The following IQGAP2 variants were observed in gnomAD, a reference collection of about 807,000 sequenced individuals.
IQGAP2 encodes the protein IQ motif containing GTPase activating protein 2, also known as ras GTPase-activating-like protein IQGAP2.
Under a neutral mutation model 201.3 loss-of-function variants are expected in IQGAP2, and 173 were observed. The observed-to-expected ratio is 0.86, with a 90% CI of 0.76 to 0.98. The LOEUF (loss-of-function observed/expected upper bound fraction) is 0.98, where lower values mean the gene tolerates loss of function less well. IQGAP2 is among the 50% of genes least tolerant of loss of function. The pLI, the probability that IQGAP2 is intolerant of heterozygous loss-of-function variation, is 0.00. For synonymous variants in IQGAP2, 675 were observed against 673.9 expected (o/e 1.00, Z -0.03); for missense variants, 1,687 against 1,864.8 (o/e 0.90, Z 1.76).
intron 5 of IQGAP2, among the ~76,000 whole-genome samples, chr5:76,581,299 T>C (rs1399005379): frequency 6.6e-6 from 1 of 152,232 alleles, no homozygotes; most frequent in East Asian, 1.9e-4. Flanking sequence ...TGAACCCTTA[T>C]ATCAGATTGA....
At chr5:76,591,443 T>C (rs1007742350) in intron 8 of IQGAP2, among the ~76,000 whole-genome samples, 13 of 152,166 alleles carry the variant, frequency 8.5e-5, no homozygotes, top group Admixed American at 4.6e-4. Context: ...TATTGAAAAA[T>C]TTGTCTACGC....
chr5:76,645,632 T>G (rs1353275685), intron 17 of IQGAP2, among the ~76,000 whole-genome samples: 1 of 152,192 alleles, frequency 6.6e-6, no homozygotes, highest in East Asian at 1.9e-4. Context: ...GTTTGTTGAC[T>G]GCATAAATGT....
intron 17 of IQGAP2, among the ~76,000 whole-genome samples, chr5:76,650,064 A>C (rs376522825): frequency 1.3e-5 from 2 of 152,340 alleles, no homozygotes; most frequent in South Asian, 2.1e-4. Flanking sequence ...TGTGCAGTGC[A>C]TCAAGGCCCT....
At chr5:76,583,973 A>G (rs1440885071) in intron 5 of IQGAP2, among the ~76,000 whole-genome samples, 2 of 152,028 alleles carry the variant, frequency 1.3e-5, no homozygotes, top group African/African-American at 4.8e-5. Context: ...CCCTGGTTCA[A>G]GCAATTCTCC....
At chr5:76,441,150 C>T (rs760145155) in intron 1 of IQGAP2, among the ~76,000 whole-genome samples, 4 of 152,014 alleles carry the variant, frequency 2.6e-5, no homozygotes, top group African/African-American at 4.8e-5. Flanking sequence ...ATTTCGTGAG[C>T]GGAAATAATA....
intron 17 of IQGAP2, among the ~76,000 whole-genome samples, chr5:76,642,274 T>A (rs1024256372): frequency 3.3e-5 from 5 of 152,138 alleles, no homozygotes; most frequent in Non-Finnish European, 2.9e-5. Context: ...ACAGCAGTGT[T>A]GCAGTTGGAA....
In IQGAP2 at chr5:76,654,290, G is replaced by A. The variant is rs1485842858; in HGVS notation, c.2250+19G>A. 2 of 1,531,740 alleles carry A rather than the reference G, an allele frequency of 1.3e-6. No individual in the cohort carries two copies. The highest frequency in any genetic ancestry group is 1.4e-5 in the African/African-American group (1 of 72,888). The allele number at this position is 1,531,740 out of a possible 1,614,324, so 94.9% of individuals were successfully genotyped here. On this transcript the variant is annotated intron_variant, in intron 19 of 35. Transcript: ENST00000274364. ...AGATCATGTAAGAAAAATGCCTGTGGGATTTTATCCAGGTTGATAATGACC... is the reference window on the plus strand; with the variant it reads ...AGATCATGTAAGAAAAATGCCTGTGAGATTTTATCCAGGTTGATAATGACC...
At chr5:76,665,367 C>T (rs1008245484) in intron 22 of IQGAP2, among the ~76,000 whole-genome samples, 192 bp downstream of exon 22, 6 of 152,044 alleles carry the variant, frequency 3.9e-5, no homozygotes, top group African/African-American at 9.7e-5. Flanking sequence ...CCCTGGGAGC[C>T]GTGAGAGAAT....
chr5:76,586,420 C>A (rs1426357721), intron 5 of IQGAP2, among the ~76,000 whole-genome samples: 3 of 151,952 alleles, frequency 2.0e-5, no homozygotes, highest in African/African-American at 7.2e-5. Context: ...GAGGCAAATT[C>A]TTCCCCTAAA....
At chr5:76,636,177 A>G (rs6453240) in intron 15 of IQGAP2, among the ~76,000 whole-genome samples, 143,656 of 152,352 alleles carry the variant, frequency 0.94, 68,013 homozygotes, top group African/African-American at 0.99. Context: ...ACCTGGAAAG[A>G]TAATGAGTCT....
chr5:76,415,622 T>TA (rs1461877757), intron 1 of IQGAP2, among the ~76,000 whole-genome samples: 3 of 152,196 alleles, frequency 2.0e-5, no homozygotes, highest in Non-Finnish European at 4.4e-5. Flanking sequence ...CAGGACTCTA[T>TA]AGCTGTTAAA....
At chr5:76,575,422 G>T (rs1291038636) in intron 4 of IQGAP2, among the ~76,000 whole-genome samples, 1 of 152,192 alleles carries the variant, frequency 6.6e-6, no homozygotes, top group Non-Finnish European at 1.5e-5. Context: ...ATGAAACACT[G>T]CCACTAGCAC....
intron 3 of IQGAP2, among the ~76,000 whole-genome samples, chr5:76,564,743 A>C (rs181506050): frequency 2.7e-3 from 416 of 152,366 alleles, no homozygotes; most frequent in Non-Finnish European, 4.3e-3. Context: ...AGGTGATGAC[A>C]TACATCCCCA....
chr5:76,547,075 G>A (rs1743142989), intron 2 of IQGAP2, among the ~76,000 whole-genome samples: 1 of 152,142 alleles, frequency 6.6e-6, no homozygotes, highest in Non-Finnish European at 1.5e-5. Flanking sequence ...CTGCAAATAT[G>A]GTATTAAGAT....
rs1402020945 is a variant in IQGAP2, at chr5:76,575,721, A to G, written c.410A>G (p.Tyr137Cys). Residue 137 changes from tyrosine to cysteine, a missense_variant, in exon 5 of 36, where the codon TAT becomes TGT. Coordinates refer to ENST00000274364, the MANE Select transcript of IQGAP2 (RefSeq NM_006633.5). ...KIFYPETTDVYDRKNIPRMIY... is the reference protein window; with the variant it reads ...KIFYPETTDVCDRKNIPRMIY... ...TTTTATCCAGAAACAACAGATGTCT[A>G]TGATCGGAAAAACATACCAAGAATG... is the stretch of plus-strand genomic sequence containing the variant. The G allele has an allele frequency of 4.4e-6, 7 of 1,594,478 alleles. No homozygotes were observed. Among genetic ancestry groups the G allele is most frequent in the South Asian group, 3.4e-5 (3 of 87,856 alleles).
At chr5:76,479,175 G>A (rs4703708) in intron 2 of IQGAP2, among the ~76,000 whole-genome samples, 147,472 of 152,156 alleles carry the variant, frequency 0.97, 71,618 homozygotes, top group Non-Finnish European at 0.99. Context: ...CTTTATGGTA[G>A]CTTTCTCCAT....
chr5:76,564,371 GC>G (rs1016490688), intron 3 of IQGAP2, among the ~76,000 whole-genome samples: 1 of 152,216 alleles, frequency 6.6e-6, no homozygotes, highest in African/African-American at 2.4e-5. Context: ...TAGAGTTAAA[GC>G]GTAGTTGGGG....
At chr5:76,530,409 A>C (rs1487940658) in intron 2 of IQGAP2, among the ~76,000 whole-genome samples, 1 of 152,224 alleles carries the variant, frequency 6.6e-6, no homozygotes, top group African/African-American at 2.4e-5. Context: ...TTTTCTTGGC[A>C]ACTGAGACTT....
At chr5:76,646,675 CT>C (rs1421206480) in intron 17 of IQGAP2, among the ~76,000 whole-genome samples, 6 of 152,258 alleles carry the variant, frequency 3.9e-5, no homozygotes, top group Non-Finnish European at 8.8e-5. Flanking sequence ...GAATTCTAGA[CT>C]CATTCCTGTG....
Sources: gnomAD v4.1 joint callset for allele counts (sites outside exome capture counted in the v4.1 genomes callset) on GRCh38, gnomAD v4.1.1 for gene constraint, MANE v1.5 for transcripts, NCBI Gene and HGNC (gene_info 2026-07-23, HGNC 2026-07-21) for gene names.